ATP1B4: variants seen among roughly 807,000 people sequenced by gnomAD.
The protein encoded by ATP1B4 is protein ATP1B4.
A neutral mutation model predicts 29.6 loss-of-function variants in ATP1B4; 32 were observed. The ratio of observed to expected loss-of-function variants is 1.08; its 90% CI spans 0.82 to 1.45. The LOEUF is 1.45. ATP1B4 is among the 40% of genes most tolerant of loss of function. The pLI, the probability that ATP1B4 is intolerant of heterozygous loss-of-function variation, is 0.00. For missense variants in ATP1B4, 323 were observed against 276.2 expected (o/e 1.17, Z -1.20); for synonymous variants, 127 against 102.1 (o/e 1.24, Z -1.47).
rs2058346569 is a variant in ATP1B4, at chrX:120,375,256, C to G, written c.563-116C>G. 1.6e-5 allele frequency: 10 copies of G among 637,948 alleles called. No homozygotes were observed. The South Asian group carries it at 2.9e-4, about 19-fold the overall frequency. The allele number at this position is 637,948 out of a possible 1,213,427, so 52.6% of individuals were successfully genotyped here. A position where few individuals can be genotyped will look rare whatever the true frequency, so the allele number is the denominator to read the frequency against. On this transcript the variant is annotated intron_variant, in intron 4 of 7. Transcript: ENST00000218008. ...GTCACAGGTAGACTGAGTGGGCTTT[C>G]AGAGGAGTACAAACAAGCTGGAGAA...
chrX:120,365,083 A>G (rs1036523957), intron 1 of ATP1B4, among the ~76,000 whole-genome samples: 1 of 111,620 alleles, frequency 9.0e-6, no homozygotes, highest in Non-Finnish European at 1.9e-5. Flanking sequence ...ACTTGTGCTC[A>G]ATGTGATAGA....
Position 120,379,397 on chromosome X carries a change from A to T in ATP1B4, c.913-76A>T. The stretch of plus-strand genomic sequence containing the variant: ...CTCAGTTCTCTTTGTGAGGGTTGTC[A>T]TCCTGCAGTGATTATCTGATCACTT... On this transcript the variant is annotated intron_variant, in intron 7 of 7. Coordinates refer to ENST00000218008, the MANE Select transcript of ATP1B4 (RefSeq NM_001142447.3). 4.0e-6 allele frequency: 4 copies of T among 991,315 alleles called. No individual in the cohort carries two copies. The South Asian group carries it at 7.0e-5, about 17-fold the overall frequency. The allele number at this position is 991,315 out of a possible 1,213,427, so 81.7% of individuals were successfully genotyped here.
At position 120,375,360 on chromosome X, in the gene ATP1B4, C is replaced by T. The variant is rs200752911; in HGVS notation, c.563-12C>T. The stretch of plus-strand genomic sequence containing the variant: ...GTCTAACATAACCTGTTGCCACTCA[C>T]ACATGCTTTAGGTTATAATGACAGT... On this transcript the variant is annotated splice_polypyrimidine_tract_variant and intron_variant, in intron 4 of 7. Transcript: ENST00000218008. 3.3e-6 allele frequency: 4 copies of T among 1,198,675 alleles called. No homozygotes were observed. Among genetic ancestry groups the T allele is most frequent in the Middle Eastern group, 2.3e-4 (1 of 4,312 alleles).
rs2058310809 is a variant in ATP1B4 at position 120,371,092 on chromosome X, G to GT, written c.458-10dup. The GT allele has an allele frequency of 1.7e-6, 2 of 1,197,119 alleles. No homozygotes were observed. The highest frequency in any genetic ancestry group is 3.5e-5 in the African/African-American group (2 of 56,938). On this transcript the variant is annotated splice_polypyrimidine_tract_variant and intron_variant, in intron 3 of 7. Transcript: ENST00000218008. ...GAATGGGTTAATATATCCAAGACCT[G>GT]TTTTCATTGCCAGGAGTTATGATCA...
chrX:120,368,032 C>T (rs2058294600), intron 2 of ATP1B4, among the ~76,000 whole-genome samples: 2 of 111,983 alleles, frequency 1.8e-5, no homozygotes, highest in Admixed American at 9.5e-5. Flanking sequence ...AAAAACAAGC[C>T]TTGTGAAATG....
Position 120,383,195 on chromosome X carries a change from C to G in ATP1B4, c.*3561C>G, listed in dbSNP as rs912484909. ...ACATGTAAAAAAACATTTATATTGT[C>G]TTGAGGAGTTGTCAACAACAATAAA... On this transcript the variant is annotated 3_prime_UTR_variant, in exon 8 of 8. Coordinates refer to ENST00000218008, the MANE Select transcript of ATP1B4 (RefSeq NM_001142447.3). The G allele has an allele frequency of 6.3e-5, 7 of 111,952 alleles. No homozygotes were observed. Among genetic ancestry groups the G allele is most frequent in the African/African-American group, 2.3e-4 (7 of 30,802 alleles). The allele number at this position is 111,952 out of a possible 1,213,427, so 9.2% of individuals were successfully genotyped here. A position where few individuals can be genotyped will look rare whatever the true frequency, so the allele number is the denominator to read the frequency against.
chrX:120,368,949 A>G (rs1451906658), intron 2 of ATP1B4, among the ~76,000 whole-genome samples: 6 of 111,528 alleles, frequency 5.4e-5, no homozygotes, highest in African/African-American at 2.0e-4. Context: ...TGAGCTAGCT[A>G]TCTCAGTCTG....
Position 120,379,504 on chromosome X carries a change from A to T in ATP1B4, c.944A>T (p.His315Leu), listed in dbSNP as rs1415615320. The T allele has an allele frequency of 8.3e-7, 1 of 1,209,335 alleles. No homozygotes were observed. The highest frequency in any genetic ancestry group is 2.2e-5 in the Admixed American group (1 of 45,614). ...VNYTSPLVAMHFTDVVKNQAV... is the reference protein window; with the variant it reads ...VNYTSPLVAMLFTDVVKNQAV... Reference sequence around the variant, plus strand: ...TACACATCCCCCTTGGTGGCAATGCACTTTACAGACGTGGTGAAGAACCAA... The same window carrying T: ...TACACATCCCCCTTGGTGGCAATGCTCTTTACAGACGTGGTGAAGAACCAA... Residue 315 changes from histidine (H) to leucine (L), a missense_variant, in exon 8 of 8, where the codon CAC (histidine) becomes CTC (leucine). By Grantham distance (99) the His-to-Leu change is moderately conservative. Coordinates refer to ENST00000218008, the MANE Select transcript of ATP1B4 (RefSeq NM_001142447.3).
intron 6 of ATP1B4, among the ~76,000 whole-genome samples, chrX:120,377,381 G>A (rs143860439): frequency 8.9e-6 from 1 of 112,449 alleles, no homozygotes; most frequent in African/African-American, 3.2e-5. Flanking sequence ...GAAAGGTCAG[G>A]CAGTACTTGC....
In ATP1B4 at chrX:120,382,746, G is replaced by A. The variant is rs1412735517; in HGVS notation, c.*3112G>A. 8.9e-6 allele frequency: 1 copy of A among 112,118 alleles called. No homozygotes were observed. The highest frequency in any genetic ancestry group is 1.9e-5 in the Non-Finnish European group (1 of 53,181). 9.2% of individuals were successfully genotyped at this position (112,118 alleles called of 1,213,427 possible). On this transcript the variant is annotated 3_prime_UTR_variant, in exon 8 of 8. Transcript: ENST00000218008. ...TTAAATGCATTGACTATTAGACAAG[G>A]AATTATGAATCATTTGTCAAATAAT...
chrX:120,362,183 C>A lies in ATP1B4; in HGVS notation c.15C>A (p.Leu5=), dbSNP rs1337655345. The A allele has an allele frequency of 5.8e-6, 7 of 1,209,409 alleles. No individual in the cohort carries two copies. In the Admixed American group the frequency reaches 1.3e-4, roughly 23 times the overall value. Residue 5 remains leucine (L), a synonymous_variant, in exon 1 of 8, where the codon CTC becomes CTA. Transcript: ENST00000218008. ...ACTGAACAGCCATGAGAAGGCAACT[C>A]CGGTCCAGAAGGGCTCCATCCTTTC... MRRQ[L]RSRRAPSFPY...
chrX:120,366,503 T>C, intron 1 of ATP1B4, 22 bp from the exon 2 acceptor site: 1 of 1,189,332 alleles, frequency 8.4e-7, no homozygotes, highest in South Asian at 1.9e-5. Context: ...AAAAAGGGTA[T>C]TGTGTTTTGT....
At chrX:120,365,308 T>C (rs1419006119) in intron 1 of ATP1B4, among the ~76,000 whole-genome samples, 1 of 112,441 alleles carries the variant, frequency 8.9e-6, no homozygotes, top group Non-Finnish European at 1.9e-5. Flanking sequence ...GGGCTTATAA[T>C]CAAGAGCTAG....
intron 4 of ATP1B4, among the ~76,000 whole-genome samples, chrX:120,371,553 G>A (rs770040390): frequency 3.6e-5 from 4 of 111,987 alleles, no homozygotes; most frequent in African/African-American, 9.7e-5. Context: ...TCTTGGGGGA[G>A]ATAGTGGTGG....
intron 4 of ATP1B4, among the ~76,000 whole-genome samples, chrX:120,373,862 C>T (rs1388796364): frequency 9.0e-6 from 1 of 111,330 alleles, no homozygotes; most frequent in Non-Finnish European, 1.9e-5. Flanking sequence ...TAACTTCCCT[C>T]TGTAAAGGAT....
chrX:120,376,032 A>G (rs1255865621), intron 5 of ATP1B4, among the ~76,000 whole-genome samples: 1 of 111,689 alleles, frequency 9.0e-6, no homozygotes, highest in African/African-American at 3.3e-5. Context: ...CAGTTCTTAT[A>G]TCATAAAAAT....
intron 4 of ATP1B4, among the ~76,000 whole-genome samples, chrX:120,372,563 A>G (rs1247564175): frequency 8.9e-6 from 1 of 111,848 alleles, no homozygotes; most frequent in Non-Finnish European, 1.9e-5. Context: ...TCTCGCTGCT[A>G]TAAGTGTTAT....
chrX:120,377,812 T>A (rs1025672213), intron 6 of ATP1B4, among the ~76,000 whole-genome samples: 1 of 112,131 alleles, frequency 8.9e-6, no homozygotes, highest in Non-Finnish European at 1.9e-5. Context: ...TCAAGCAGGA[T>A]GAGGTAATGA....
Position 120,371,147 on chromosome X carries a change from T to C in ATP1B4, c.499T>C (p.Phe167Leu). The C allele has an allele frequency of 8.3e-7, 1 of 1,211,612 alleles. No individual in the cohort carries two copies. ...CTTCGCCCATAGCCTTAACTTCAAC[T>C]TCAACGTTTCTGAACCCGACACTTG... ...RPFAHSLNFN[F>L]NVSEPDTWQH... Residue 167 changes from phenylalanine (F) to leucine (L), a missense_variant, in exon 4 of 8, where the codon TTC becomes CTC. Transcript: ENST00000218008.
Sources: allele counts gnomAD v4.1 joint callset (sites outside exome capture counted in the v4.1 genomes callset), GRCh38; gene constraint gnomAD v4.1.1; transcripts MANE v1.5; gene names NCBI Gene and HGNC (gene_info 2026-07-23, HGNC 2026-07-21).